Variants in GOLPH3L observed in about 807,000 individuals in gnomAD.
GOLPH3L encodes Golgi phosphoprotein 3-like.
A neutral mutation model predicts 30.3 loss-of-function variants in GOLPH3L; 22 were observed. The ratio of observed to expected loss-of-function variants is 0.73; its 90% CI spans 0.52 to 1.04. GOLPH3L has a LOEUF of 1.04. Ranked by LOEUF, GOLPH3L falls within the 50% of genes least tolerant of loss-of-function variation. The pLI is 0.00. For synonymous variants in GOLPH3L, 120 were observed against 128.2 expected (o/e 0.94, Z 0.43); for missense variants, 303 against 345.8 (o/e 0.88, Z 0.98).
At chr1:150,696,616 G>C (rs1414029587) in intron 1 of GOLPH3L, among the ~76,000 whole-genome samples, 1 of 152,038 alleles carries the variant, frequency 6.6e-6, no homozygotes, top group African/African-American at 2.4e-5. Context: ...AGCTACAAAA[G>C]TTTTTTTGTA....
chr1:150,683,305 G>C (rs1284170006), intron 2 of GOLPH3L, among the ~76,000 whole-genome samples: 3 of 152,074 alleles, frequency 2.0e-5, no homozygotes, highest in Non-Finnish European at 4.4e-5. Flanking sequence ...GGAAGGCCGA[G>C]GCGGGCGGAT....
chr1:150,695,213 T>C (rs372623669), intron 1 of GOLPH3L, among the ~76,000 whole-genome samples: 1 of 152,318 alleles, frequency 6.6e-6, no homozygotes, highest in African/African-American at 2.4e-5. Flanking sequence ...GTTGGCTCAC[T>C]GCAACCTCCG....
Position 150,648,670 on chromosome 1 carries a change from T to G in GOLPH3L, c.509A>C (p.Lys170Thr), listed in dbSNP as rs924393941. 1 of 1,612,452 alleles carries G rather than the reference T, an allele frequency of 6.2e-7. No individual in the cohort carries two copies. The highest frequency in any genetic ancestry group is 1.3e-5 in the African/African-American group (1 of 74,894). ...RERIAKNLVE[K>T]GILTTEKQNF... ...CTGCTTCTCAGTGGTTAGAATACCT[T>G]TCTCTACTAGGTTCTTTGCGATGCG... The change falls in exon 5 of 5, where the codon AAA becomes ACA. Residue 170 changes from lysine (K) to threonine (T), a missense_variant. Physicochemically the swap from Lys to Thr is moderately conservative, Grantham distance 78. Coordinates refer to ENST00000271732, the MANE Select transcript of GOLPH3L (RefSeq NM_018178.6).
chr1:150,694,381 G>C (rs1651296628), intron 2 of GOLPH3L: 1 of 316,430 alleles, frequency 3.2e-6, no homozygotes. Flanking sequence ...ATCTAACTTG[G>C]GAAACTACAA....
chr1:150,651,211 G>A (rs1650096721), intron 4 of GOLPH3L, among the ~76,000 whole-genome samples: 2 of 152,204 alleles, frequency 1.3e-5, no homozygotes, highest in Non-Finnish European at 2.9e-5. Context: ...CTGCTCAGGA[G>A]GCTGAGGCAG....
intron 4 of GOLPH3L, among the ~76,000 whole-genome samples, chr1:150,650,814 A>G (rs1650087616): frequency 6.6e-6 from 1 of 152,188 alleles, no homozygotes; most frequent in South Asian, 2.1e-4. Flanking sequence ...CCAGTTTTTG[A>G]CAAAAAAGTA....
At chr1:150,681,466 A>C (rs2101810649) in intron 2 of GOLPH3L, among the ~76,000 whole-genome samples, 1 of 152,334 alleles carries the variant, frequency 6.6e-6, no homozygotes, top group African/African-American at 2.4e-5. Context: ...ATGGGAAGGA[A>C]ACATGGCAGG....
intron 2 of GOLPH3L, among the ~76,000 whole-genome samples, chr1:150,687,868 A>C (rs12090930): frequency 1.1e-3 from 167 of 152,360 alleles, no homozygotes; most frequent in African/African-American, 4.0e-3. Flanking sequence ...TTGAATGTGC[A>C]TTAACCCATA....
intron 2 of GOLPH3L, among the ~76,000 whole-genome samples, chr1:150,693,162 A>G (rs918670981): frequency 7.9e-5 from 12 of 152,202 alleles, no homozygotes; most frequent in African/African-American, 2.9e-4. Flanking sequence ...CATGTCTCTA[A>G]TATTAGTTTT....
At chr1:150,656,525 T>C (rs1650244093) in intron 4 of GOLPH3L, among the ~76,000 whole-genome samples, 2 of 152,118 alleles carry the variant, frequency 1.3e-5, no homozygotes, top group Non-Finnish European at 2.9e-5. Flanking sequence ...ACAAATAGAA[T>C]AGATCCAGAG....
intron 2 of GOLPH3L, chr1:150,694,108 C>T (rs587698690): frequency 2.4e-4 from 105 of 431,404 alleles, no homozygotes; most frequent in African/African-American, 2.0e-3. Context: ...ATTCACTCAC[C>T]TCGGCTCCCC....
chr1:150,652,629 T>C (rs1352934047), intron 4 of GOLPH3L, among the ~76,000 whole-genome samples: 1 of 151,942 alleles, frequency 6.6e-6, no homozygotes. Context: ...ATGTAAGTAA[T>C]AAAAAAGATG....
intron 2 of GOLPH3L, among the ~76,000 whole-genome samples, chr1:150,670,368 C>G (rs1434892465): frequency 6.6e-6 from 1 of 151,906 alleles, no homozygotes; most frequent in Non-Finnish European, 1.5e-5. Context: ...GAGGCTGAGG[C>G]GAGTGGATCA....
chr1:150,674,093 C>T (rs1379201253), intron 2 of GOLPH3L, among the ~76,000 whole-genome samples: 1 of 151,838 alleles, frequency 6.6e-6, no homozygotes, highest in Non-Finnish European at 1.5e-5. Flanking sequence ...AATTAAAATC[C>T]ATCCCCAAAA....
At chr1:150,661,448 A>G (rs1161937780) in intron 4 of GOLPH3L, among the ~76,000 whole-genome samples, 1 of 152,216 alleles carries the variant, frequency 6.6e-6, no homozygotes, top group African/African-American at 2.4e-5. Context: ...TGACTGGATA[A>G]ACAAATGTGG....
intron 4 of GOLPH3L, among the ~76,000 whole-genome samples, chr1:150,657,212 C>G (rs974779031): frequency 9.9e-5 from 15 of 152,230 alleles, no homozygotes; most frequent in Admixed American, 3.3e-4. Flanking sequence ...ACCCTTTTTA[C>G]ATCACTCACA....
At chr1:150,696,347 T>C (rs1425978006) in intron 1 of GOLPH3L, among the ~76,000 whole-genome samples, 1 of 152,206 alleles carries the variant, frequency 6.6e-6, no homozygotes, top group Non-Finnish European at 1.5e-5. Flanking sequence ...ATGTGTCTCA[T>C]GGCCACTCCC....
At chr1:150,656,714 A>G (rs1650248442) in intron 4 of GOLPH3L, among the ~76,000 whole-genome samples, 2 of 152,234 alleles carry the variant, frequency 1.3e-5, no homozygotes, top group African/African-American at 4.8e-5. Flanking sequence ...GTTAAACTAT[A>G]GGATATGATC....
chr1:150,653,298 A>ATTT (rs750465136), intron 4 of GOLPH3L, among the ~76,000 whole-genome samples: 1 of 137,298 alleles, frequency 7.3e-6, no homozygotes, highest in South Asian at 2.2e-4. Flanking sequence ...TTTTTTTTTT[A>ATTT]TTTTTTTTTT....
Sources: gnomAD v4.1 joint callset for allele counts (sites outside exome capture counted in the v4.1 genomes callset) on GRCh38, gnomAD v4.1.1 for gene constraint, MANE v1.5 for transcripts, NCBI Gene and HGNC (gene_info 2026-07-23, HGNC 2026-07-21) for gene names.